Variants in NRCAM observed in about 807,000 individuals in gnomAD.
NRCAM encodes NgCAM-related cell adhesion molecule.
In NRCAM, 83 loss-of-function variants were observed where a neutral mutation model predicts 156.5. That is an observed-to-expected ratio of 0.53 (90% CI 0.44 to 0.64). The LOEUF (loss-of-function observed/expected upper bound fraction) is 0.64. NRCAM is among the 30% of genes least tolerant of loss of function. NRCAM has a pLI of 0.00. For missense variants in NRCAM, 1,417 were observed against 1,597.3 expected (o/e 0.89, Z 1.92); for synonymous variants, 538 against 563.9 (o/e 0.95, Z 0.65).
intron 1 of NRCAM, among the ~76,000 whole-genome samples, chr7:108,420,357 CAGTG>C (rs1468220171): frequency 6.6e-6 from 1 of 152,138 alleles, no homozygotes; most frequent in African/African-American, 2.4e-5. Context: ...TATCCCCAAA[CAGTG>C]AGCACTACTT....
intron 3 of NRCAM, among the ~76,000 whole-genome samples, chr7:108,255,147 GCCTCTC>G (rs1209410079): frequency 3.5e-5 from 5 of 140,900 alleles, no homozygotes; most frequent in Admixed American, 6.9e-5. Context: ...TGCTGAGTGA[GCCTCTC>G]CCTCTCCCTC....
intron 2 of NRCAM, among the ~76,000 whole-genome samples, chr7:108,372,012 A>G (rs560684672): frequency 2.6e-5 from 4 of 152,292 alleles, no homozygotes; most frequent in Admixed American, 2.0e-4. Flanking sequence ...ACTGGCATAA[A>G]GAAATACATA....
intron 20 of NRCAM, among the ~76,000 whole-genome samples, chr7:108,185,692 C>A (rs1434201737): frequency 1.4e-5 from 2 of 146,344 alleles, no homozygotes; most frequent in East Asian, 4.0e-4. Context: ...GCACTCCAGC[C>A]TGGACAGAGT....
intron 22 of NRCAM, among the ~76,000 whole-genome samples, chr7:108,183,924 T>C (rs1392476483): frequency 2.0e-5 from 3 of 152,136 alleles, no homozygotes; most frequent in Admixed American, 6.5e-5. Flanking sequence ...TTAGCTCCTT[T>C]AATACTGTGA....
chr7:108,390,335 T>G (rs920601618), intron 2 of NRCAM, among the ~76,000 whole-genome samples: 10 of 152,152 alleles, frequency 6.6e-5, no homozygotes, highest in Non-Finnish European at 1.5e-5. Flanking sequence ...TCTAGTTTAT[T>G]TGCGTAGAGG....
chr7:108,159,273 T>C, intron 32 of NRCAM, 190 bp downstream of exon 32: 1 of 730,824 alleles, frequency 1.4e-6, no homozygotes, highest in East Asian at 2.5e-5. Context: ...AATCAAAATT[T>C]AGTTTTTCAA....
At position 108,178,096 on chromosome 7, in the gene NRCAM, C is replaced by T. The variant is rs759493880; in HGVS notation, c.2868G>A (p.Ser956=). ...GTGTTGGATTCACAATCTTCAAAGA[C>T]GAGGGAGCACTGGGGACTTACAGTG... ...NTPEGVPSAP[S]SLKIVNPTLD... Residue 956 remains serine, a synonymous_variant, in exon 26 of 33, where the codon TCG becomes TCA. Transcript: ENST00000379028. 24 of 1,612,552 alleles carry T rather than the reference C, an allele frequency of 1.5e-5. No individual in the cohort carries two copies. Among genetic ancestry groups the T allele is most frequent in the Middle Eastern group, 1.6e-4 (1 of 6,068 alleles).
intron 30 of NRCAM, among the ~76,000 whole-genome samples, chr7:108,165,710 A>G (rs1053174590): frequency 2.6e-5 from 4 of 152,230 alleles, no homozygotes; most frequent in Admixed American, 1.3e-4. Flanking sequence ...TTTAAAATAT[A>G]GTTTAATACA....
At position 108,380,242 on chromosome 7, in the gene NRCAM, A is replaced by T. The variant is rs755541423; in HGVS notation, c.-174+19194T>A. On this transcript the variant is annotated intron_variant, in intron 2 of 32. Transcript: ENST00000379028. ...TAACATTAAGTGAAAATTAGTATGA[A>T]ATTAATTATATGAGGTTTAAAAATA... 2.3e-4 allele frequency among the ~76,000 whole-genome samples: 35 copies of T among 152,332 alleles called. No homozygotes were observed. The Middle Eastern group carries it at 0.017, about 74-fold the overall frequency.
chr7:108,298,486 A>G (rs2098499565), intron 3 of NRCAM, among the ~76,000 whole-genome samples: 1 of 111,504 alleles, frequency 9.0e-6, no homozygotes, highest in Non-Finnish European at 2.0e-5. Flanking sequence ...TGTAATAAAA[A>G]TACAAAAAAA....
rs2063624638 is a variant in NRCAM, at chr7:108,181,765, G to C, written c.2646+57C>G. ...CCACCTCCTGTGGTATGCATGACAA[G>C]TGGCATTCGCTGCAGCCCTTACTAA... On this transcript the variant is annotated intron_variant, in intron 24 of 32. Coordinates refer to ENST00000379028, the MANE Select transcript of NRCAM (RefSeq NM_001037132.4). 2.0e-5 allele frequency: 23 copies of C among 1,160,202 alleles called. No individual in the cohort carries two copies. The East Asian group carries it at 4.2e-4, about 21-fold the overall frequency. The allele number at this position is 1,160,202 out of a possible 1,614,324, so 71.9% of individuals were successfully genotyped here. A position where few individuals can be genotyped will look rare whatever the true frequency, so the allele number is the denominator to read the frequency against.
At chr7:108,433,244 G>A (rs13228190) in intron 1 of NRCAM, among the ~76,000 whole-genome samples, 38,117 of 151,680 alleles carry the variant, frequency 0.25, 5,123 homozygotes, top group Non-Finnish European at 0.29. Context: ...CCCCCACCCC[G>A]CAACCCAGCT....
chr7:108,168,893 AG>A (rs1214720208), intron 28 of NRCAM, among the ~76,000 whole-genome samples: 1 of 152,188 alleles, frequency 6.6e-6, no homozygotes, highest in African/African-American at 2.4e-5. Flanking sequence ...CCCTTTGAAC[AG>A]CGTTTTTGAT....
chr7:108,381,247 A>G (rs923417499), intron 2 of NRCAM, among the ~76,000 whole-genome samples: 7 of 152,140 alleles, frequency 4.6e-5, no homozygotes, highest in African/African-American at 1.7e-4. Flanking sequence ...ATTTTTCTTC[A>G]TTTTTCCCAA....
chr7:108,437,183 CAT>C lies in NRCAM; in HGVS notation c.-332+19058_-332+19059del, dbSNP rs1481479536. ...GCCAGGCGCAGAAAGGCAAACATCA[CAT>C]GTTTTCACTTATATGTGGGATCTAA... On this transcript the variant is annotated intron_variant, in intron 1 of 32. Coordinates refer to ENST00000379028, the MANE Select transcript of NRCAM (RefSeq NM_001037132.4). Among the ~76,000 whole-genome samples, 12 of 152,242 alleles carry C rather than the reference CAT, an allele frequency of 7.9e-5. No homozygotes were observed. The South Asian group carries it at 1.0e-3, about 13-fold the overall frequency.
chr7:108,301,217 A>T (rs1441630553), intron 3 of NRCAM, among the ~76,000 whole-genome samples: 1 of 152,240 alleles, frequency 6.6e-6, no homozygotes, highest in African/African-American at 2.4e-5. Flanking sequence ...CATTCCTTTT[A>T]CCAGGAAAAG....
chr7:108,423,909 T>C (rs760831105), intron 1 of NRCAM, among the ~76,000 whole-genome samples: 2 of 152,376 alleles, frequency 1.3e-5, no homozygotes, highest in Non-Finnish European at 2.9e-5. Context: ...TTTCTGGAAG[T>C]TGATCTTAAA....
intron 11 of NRCAM, among the ~76,000 whole-genome samples, chr7:108,216,829 G>A (rs1272548568): frequency 6.6e-6 from 1 of 151,904 alleles, no homozygotes; most frequent in Non-Finnish European, 1.5e-5. Context: ...TTTTTTCAAG[G>A]TTCTTAGCTT....
intron 1 of NRCAM, among the ~76,000 whole-genome samples, chr7:108,440,224 C>CAAA (rs1837052488): frequency 6.6e-6 from 1 of 152,116 alleles, no homozygotes; most frequent in African/African-American, 2.4e-5. Flanking sequence ...TATGCTACCT[C>CAAA]AAAGAAGCCA....
Sources: allele counts gnomAD v4.1 joint callset (sites outside exome capture counted in the v4.1 genomes callset), GRCh38; gene constraint gnomAD v4.1.1; transcripts MANE v1.5; gene names NCBI Gene and HGNC (gene_info 2026-07-23, HGNC 2026-07-21).